Variants in CDH22 observed in about 807,000 individuals in gnomAD.
CDH22 encodes cadherin-22.
A neutral mutation model predicts 58.4 loss-of-function variants in CDH22; 30 were observed. That is an observed-to-expected ratio of 0.51 (90% CI 0.38 to 0.70). The LOEUF is 0.70. CDH22 is among the 30% of genes least tolerant of loss of function. The probability of loss-of-function intolerance (pLI) is 0.00; values close to 1 mark genes in which losing one functional copy is unlikely to be tolerated. For missense variants in CDH22, 1,014 were observed against 1,233.9 expected, an observed-to-expected ratio of 0.82 and a Z score of 2.67; for synonymous variants, 513 against 558.2, an observed-to-expected ratio of 0.92 and a Z score of 1.14.
In CDH22 at chr20:46,197,295, G is replaced by GATATATATATATATATATATAT. The variant is rs34730995; in HGVS notation, c.1423+2106_1423+2127dup. ...ATGTGCTGGAAAGCATCTAGGCCAG[G>GATATATATATATATATATATAT]ATATATATATATATATATATATACA... On this transcript the variant is annotated intron_variant, in intron 8 of 11. Coordinates refer to ENST00000537909, the MANE Select transcript of CDH22 (RefSeq NM_021248.3). Among the ~76,000 whole-genome samples the GATATATATATATATATATATAT allele has an allele frequency of 8.5e-4, 120 of 141,932 alleles. 3 individuals are homozygous for GATATATATATATATATATATAT. The highest frequency in any genetic ancestry group is 2.2e-3 in the African/African-American group (84 of 38,772). The allele number at this position is 141,932 out of a possible 152,430, so 93.1% of individuals were successfully genotyped here. A position where few individuals can be genotyped will look rare whatever the true frequency, so the allele number is the denominator to read the frequency against.
chr20:46,253,939 T>C (rs1274607898), intron 1 of CDH22, among the ~76,000 whole-genome samples: 1 of 152,162 alleles, frequency 6.6e-6, no homozygotes, highest in Non-Finnish European at 1.5e-5. Flanking sequence ...TTGCTCTCCT[T>C]CCCTCCTTTC....
At chr20:46,217,925 CT>C (rs1162525333) in intron 4 of CDH22, among the ~76,000 whole-genome samples, 1 of 150,634 alleles carries the variant, frequency 6.6e-6, no homozygotes, top group East Asian at 1.9e-4. Context: ...TTTCTTTTTT[CT>C]TTTCTTTCTT....
At chr20:46,230,428 T>G (rs1357266872) in intron 3 of CDH22, among the ~76,000 whole-genome samples, 1 of 152,146 alleles carries the variant, frequency 6.6e-6, no homozygotes, top group Non-Finnish European at 1.5e-5. Context: ...ACAAAACTCC[T>G]GAAAATCAAC....
chr20:46,245,551 G>C (rs577064860), intron 2 of CDH22, among the ~76,000 whole-genome samples: 16 of 152,304 alleles, frequency 1.1e-4, no homozygotes, highest in African/African-American at 3.6e-4. Context: ...GTGTGTGTGT[G>C]AGTGCACGTG....
chr20:46,248,452 G>T (rs1333939652), intron 2 of CDH22, among the ~76,000 whole-genome samples: 1 of 152,168 alleles, frequency 6.6e-6, no homozygotes, highest in Non-Finnish European at 1.5e-5. Flanking sequence ...CTTTTCCCAG[G>T]TCTGGGAATC....
In CDH22 at chr20:46,186,818, AG is replaced by A. The variant is rs776704231; in HGVS notation, c.1545+7del. 3 of 1,599,604 alleles carry A rather than the reference AG, an allele frequency of 1.9e-6. No individual in the cohort carries two copies. The East Asian group carries it at 6.7e-5, about 36-fold the overall frequency. ...AGCAACGCCCAGTCCCCACCCCCTC[AG>A]GGGTACCTGGCCTGGCTTGGCATCC... On this transcript the variant is annotated splice_region_variant and intron_variant, in intron 9 of 11. Coordinates refer to ENST00000537909, the MANE Select transcript of CDH22 (RefSeq NM_021248.3).
intron 10 of CDH22, among the ~76,000 whole-genome samples, chr20:46,183,662 C>G (rs1041716797): frequency 6.6e-6 from 1 of 152,136 alleles, no homozygotes; most frequent in East Asian, 1.9e-4. Flanking sequence ...AAACTCCTTG[C>G]CTCAAGGGAT....
intron 1 of CDH22, among the ~76,000 whole-genome samples, chr20:46,270,459 C>A (rs2086481266): frequency 6.6e-6 from 1 of 152,134 alleles, no homozygotes; most frequent in South Asian, 2.1e-4. Flanking sequence ...AGCGATAGAG[C>A]TGGCAGATAA....
chr20:46,210,614 G>C lies in CDH22; in HGVS notation c.1033-54C>G. 7.2e-7 allele frequency: 1 copy of C among 1,390,080 alleles called. No individual in the cohort carries two copies. Among genetic ancestry groups the C allele is most frequent in the Non-Finnish European group, 9.4e-7 (1 of 1,063,792 alleles). 86.1% of individuals were successfully genotyped at this position (1,390,080 alleles called of 1,614,324 possible). A position where few individuals can be genotyped will look rare whatever the true frequency, so the allele number is the denominator to read the frequency against. On this transcript the variant is annotated intron_variant, in intron 6 of 11. Transcript: ENST00000537909. The surrounding 1 kb of genome is among the most constrained non-coding windows in gnomAD (Gnocchi z 4.5). ...TGGGTGGGGTCTGGTGGACACTGAG[G>C]CCTTCACGAGGGAGGCCAAGGCAGG...
chr20:46,221,739 T>C (rs2086127412), intron 4 of CDH22, among the ~76,000 whole-genome samples: 1 of 152,162 alleles, frequency 6.6e-6, no homozygotes, highest in Non-Finnish European at 1.5e-5. Context: ...ATTGATAACA[T>C]ATTTTCCTAT....
chr20:46,250,564 G>A (rs1481268555), intron 2 of CDH22, among the ~76,000 whole-genome samples: 1 of 152,170 alleles, frequency 6.6e-6, no homozygotes, highest in African/African-American at 2.4e-5. Flanking sequence ...TGCATGGGAC[G>A]TTGACTTTCA....
intron 8 of CDH22, among the ~76,000 whole-genome samples, chr20:46,197,655 G>A (rs2085916610): frequency 6.6e-6 from 1 of 152,200 alleles, no homozygotes; most frequent in South Asian, 2.1e-4. Context: ...AGGAGGGGGA[G>A]CTCTCTTCCC....
intron 1 of CDH22, among the ~76,000 whole-genome samples, chr20:46,258,515 G>T (rs1488730449): frequency 2.0e-5 from 3 of 152,210 alleles, no homozygotes; most frequent in Non-Finnish European, 4.4e-5. Flanking sequence ...AACACCATTT[G>T]CCTGGGACCC....
At position 46,174,516 on chromosome 20, in the gene CDH22, T is replaced by A. The variant is rs1392519258; in HGVS notation, c.2477A>T (p.Gln826Leu). ...YAGHRGDDEAQAS is the reference protein window; with the variant it reads ...YAGHRGDDEALAS ...CGGCAGGGCGAGGGGCTAGGAGGCC[T>A]GGGCCTCGTCGTCCCCGCGGTGGCC... Residue 826 changes from glutamine to leucine, a missense_variant, in exon 12 of 12, where the codon CAG becomes CTG. Coordinates refer to ENST00000537909, the MANE Select transcript of CDH22 (RefSeq NM_021248.3). The surrounding 1 kb of genome is among the most constrained non-coding windows in gnomAD (Gnocchi z 4.4). 2.0e-6 allele frequency: 3 copies of A among 1,512,536 alleles called. No homozygotes were observed. The highest frequency in any genetic ancestry group is 2.9e-5 in the African/African-American group (2 of 69,960). 93.7% of individuals were successfully genotyped at this position (1,512,536 alleles called of 1,614,324 possible). A position where few individuals can be genotyped will look rare whatever the true frequency, so the allele number is the denominator to read the frequency against.
chr20:46,240,050 T>G (rs1263701283), intron 3 of CDH22, among the ~76,000 whole-genome samples: 1 of 152,082 alleles, frequency 6.6e-6, no homozygotes, highest in Non-Finnish European at 1.5e-5. Flanking sequence ...CCCAGGTAAG[T>G]GCAACTGAAT....
At chr20:46,197,946 G>A (rs2085919552) in intron 8 of CDH22, among the ~76,000 whole-genome samples, 1 of 152,068 alleles carries the variant, frequency 6.6e-6, no homozygotes, top group Admixed American at 6.5e-5. Flanking sequence ...CTGGGGCAGA[G>A]GGGCCTGGGA....
intron 3 of CDH22, 89 bp downstream of exon 3, chr20:46,240,874 C>A: frequency 8.2e-7 from 1 of 1,222,608 alleles, no homozygotes; most frequent in African/African-American, 1.5e-5. Context: ...TTCTGTCCCT[C>A]CCCAGAGGAT....
intron 4 of CDH22, 26 bp downstream of exon 4, chr20:46,227,482 G>A (rs1368436047): frequency 1.6e-5 from 8 of 514,934 alleles, no homozygotes; most frequent in Non-Finnish European, 2.4e-5. Context: ...CCACGGCTCC[G>A]CCTCTGGCCC....
At chr20:46,179,900 A>G (rs771636205) in intron 10 of CDH22, among the ~76,000 whole-genome samples, 3 of 152,032 alleles carry the variant, frequency 2.0e-5, no homozygotes, top group Non-Finnish European at 4.4e-5. Flanking sequence ...CTTTCCTCAT[A>G]AAGTTCCTGC....
Sources: gnomAD v4.1 joint callset for allele counts (sites outside exome capture counted in the v4.1 genomes callset) on GRCh38, gnomAD v4.1.1 for gene constraint, Gnocchi (gnomAD v3.1) non-coding constraint, MANE v1.5 for transcripts, NCBI Gene and HGNC (gene_info 2026-07-23, HGNC 2026-07-21) for gene names.